ZMIZ2: variants seen among roughly 807,000 people sequenced by gnomAD.
The protein encoded by ZMIZ2 is zinc finger MIZ domain-containing protein 2.
ZMIZ2 carries 26 observed loss-of-function variants against 93.9 expected under a neutral mutation model. The ratio of observed to expected loss-of-function variants is 0.28; its 90% CI spans 0.20 to 0.38. The LOEUF is 0.38. Among genes scored for constraint, ZMIZ2 ranks in the 10% least tolerant of loss-of-function variants. The pLI, the probability that ZMIZ2 is intolerant of heterozygous loss-of-function variation, is 1.00. For synonymous variants in ZMIZ2, 485 were observed against 516.4 expected, an observed-to-expected ratio of 0.94 and a Z score of 0.82; for missense variants, 1,023 against 1,235.0, an observed-to-expected ratio of 0.83 and a Z score of 2.57.
intron 8 of ZMIZ2, 87 bp from the exon 9 acceptor site, chr7:44,760,335 TATC>T (rs1373592195): frequency 9.5e-6 from 15 of 1,575,986 alleles, no homozygotes; most frequent in Middle Eastern, 3.5e-4. Context: ...CCACCTCTGT[TATC>T]ATGGTTCCCA....
rs1788274289 is a variant in ZMIZ2, at chr7:44,764,281, A to G, written c.1861-138A>G. On this transcript the variant is annotated intron_variant, in intron 13 of 18. Coordinates refer to ENST00000309315, the MANE Select transcript of ZMIZ2 (RefSeq NM_031449.4). ...CCTTGATCCATTAGAATGATGTTGC[A>G]GTGAAAACCTGGTACATGCAGTATC... 6 of 740,060 alleles carry G rather than the reference A, an allele frequency of 8.1e-6. No homozygotes were observed. In the South Asian group the frequency reaches 9.0e-5, roughly 11 times the overall value. 45.8% of individuals were successfully genotyped at this position (740,060 alleles called of 1,614,324 possible).
Position 44,766,010 on chromosome 7 carries a change from G to C in ZMIZ2, c.2243-154G>C. On this transcript the variant is annotated intron_variant, in intron 16 of 18. Transcript: ENST00000309315. This position sits in a 1 kb window ranked among gnomAD's most constrained non-coding sequence, Gnocchi z 4.4. ...TCCCTTGGCAGCAATGAGAAGAAAT[G>C]CCCTTTTCCAAATAGCGACTTCTGC... 2.8e-6 allele frequency: 4 copies of C among 1,418,344 alleles called. No individual in the cohort carries two copies. Among genetic ancestry groups the C allele is most frequent in the Non-Finnish European group, 3.7e-6 (4 of 1,092,682 alleles). The allele number at this position is 1,418,344 out of a possible 1,614,324, so 87.9% of individuals were successfully genotyped here. A position where few individuals can be genotyped will look rare whatever the true frequency, so the allele number is the denominator to read the frequency against.
rs1791392833 is a variant in ZMIZ2, at chr7:44,763,356, C to A, written c.1803C>A (p.Pro601=). The A allele has an allele frequency of 1.2e-6, 2 of 1,613,994 alleles. No homozygotes were observed. Among genetic ancestry groups the A allele is most frequent in the South Asian group, 1.1e-5 (1 of 91,076 alleles). Residue 601 remains proline (P), a synonymous_variant, in exon 13 of 19, where the codon CCC becomes CCA. Transcript: ENST00000309315. This position sits in a 1 kb window ranked among gnomAD's most constrained non-coding sequence, Gnocchi z 5.6. ...QTAIKVSLKC[P]ITFRRIQLPA... is the part of the protein sequence containing the mutation. ...CTATCAAGGTGTCCCTGAAGTGCCC[C>A]ATCACCTTCCGCAGGATCCAGCTCC... is the stretch of plus-strand genomic sequence containing the variant.
Position 44,761,228 on chromosome 7 carries a change from A to G in ZMIZ2, c.1241-221A>G, listed in dbSNP as rs1791140552. 6.6e-6 allele frequency among the ~76,000 whole-genome samples: 1 copy of G among 152,210 alleles called. No individual in the cohort carries two copies. Among genetic ancestry groups the G allele is most frequent in the South Asian group, 2.1e-4 (1 of 4,836 alleles). On this transcript the variant is annotated intron_variant, in intron 9 of 18. Transcript: ENST00000309315. This position sits in a 1 kb window ranked among gnomAD's most constrained non-coding sequence, Gnocchi z 5.8. Reference sequence around the variant, plus strand: ...CTGGACTGCTGAGGCAGGAGGCAAGACAGAACATCACGACCGAATGCCCAG... The same window carrying G: ...CTGGACTGCTGAGGCAGGAGGCAAGGCAGAACATCACGACCGAATGCCCAG...
Position 44,759,837 on chromosome 7 carries a change from G to A in ZMIZ2, c.994-314G>A, listed in dbSNP as rs567088725. The A allele has an allele frequency of 1.8e-4, 86 of 473,796 alleles. No individual in the cohort carries two copies. The East Asian group carries it at 3.1e-3, about 17-fold the overall frequency. The allele number at this position is 473,796 out of a possible 1,614,324, so 29.3% of individuals were successfully genotyped here. ...AAATCCATTGAGAGGACAGGCCCTC[G>A]CTGCTGGCCATGTACCCTTTCTGGG... On this transcript the variant is annotated intron_variant, in intron 7 of 18. Transcript: ENST00000309315.
chr7:44,766,180 G>A lies in ZMIZ2; in HGVS notation c.2259G>A (p.Gly753=). The A allele has an allele frequency of 1.2e-6, 2 of 1,612,046 alleles. No homozygotes were observed. Among genetic ancestry groups the A allele is most frequent in the Non-Finnish European group, 1.7e-6 (2 of 1,179,182 alleles). Residue 753 remains glycine (G), a synonymous_variant, in exon 17 of 19, where the codon GGG becomes GGA. Transcript: ENST00000309315. The surrounding 1 kb of genome is among the most constrained non-coding windows in gnomAD (Gnocchi z 4.4). The part of the protein sequence containing the change: ...DYPGQGSSFL[G]PGTFPESFPP... ...CTCTCACAGGTTCCAGCTTCCTGGG[G>A]CCTGGAACTTTCCCTGAGTCCTTCC...
rs563008711 is a variant in ZMIZ2, at chr7:44,766,554, G to A, written c.2546G>A (p.Gly849Asp). 5.0e-6 allele frequency: 8 copies of A among 1,613,948 alleles called. No homozygotes were observed. Among genetic ancestry groups the A allele is most frequent in the Middle Eastern group, 1.6e-4 (1 of 6,062 alleles). Reference protein sequence around the residue: ...NPPPASRQSLGQASLGPTGEL... With the variant: ...NPPPASRQSLDQASLGPTGEL... ...CCCCCAGCGTCCCGGCAGTCCTTGG[G>A]CCAAGCGAGCTTAGGACCTACGGGT... Residue 849 changes from glycine (G) to aspartate (D), a missense_variant, in exon 18 of 19, where the codon GGC becomes GAC. Coordinates refer to ENST00000309315, the MANE Select transcript of ZMIZ2 (RefSeq NM_031449.4). The surrounding 1 kb of genome is among the most constrained non-coding windows in gnomAD (Gnocchi z 4.4).
In ZMIZ2 at chr7:44,761,997, TG is replaced by T. The variant is rs1357045966; in HGVS notation, c.1596+95del. ...CGGTGCCGTGGGGTGGGGCGGGGTG[TG>T]GGCGGGGCCTGGCCCAGCGGCGCAG... On this transcript the variant is annotated intron_variant, in intron 11 of 18. Transcript: ENST00000309315. This position sits in a 1 kb window ranked among gnomAD's most constrained non-coding sequence, Gnocchi z 5.8. The T allele has an allele frequency of 2.7e-5, 2 of 73,150 alleles. No individual in the cohort carries two copies. Among genetic ancestry groups the T allele is most frequent in the South Asian group, 2.4e-4 (2 of 8,430 alleles). The allele number at this position is 73,150 out of a possible 1,614,324, so 4.5% of individuals were successfully genotyped here. A position where few individuals can be genotyped will look rare whatever the true frequency, so the allele number is the denominator to read the frequency against.
At position 44,761,952 on chromosome 7, in the gene ZMIZ2, T is replaced by G. The variant is rs1290650333; in HGVS notation, c.1596+47T>G. ...GGCGGTGCTGTGGCGTGGGGCGGGG[T>G]GTGGTGGGGCCTGGCCCAGCGGTGC... is the stretch of plus-strand genomic sequence containing the variant. On this transcript the variant is annotated intron_variant, in intron 11 of 18. Transcript: ENST00000309315. This position sits in a 1 kb window ranked among gnomAD's most constrained non-coding sequence, Gnocchi z 5.8. The G allele has an allele frequency of 1.6e-6, 2 of 1,259,914 alleles. No homozygotes were observed. The highest frequency in any genetic ancestry group is 2.1e-6 in the Non-Finnish European group (2 of 965,576). The allele number at this position is 1,259,914 out of a possible 1,614,324, so 78.0% of individuals were successfully genotyped here. A position where few individuals can be genotyped will look rare whatever the true frequency, so the allele number is the denominator to read the frequency against.
chr7:44,756,834 C>G (rs186993831), intron 3 of ZMIZ2, 113 bp from the exon 4 acceptor site: 24 of 1,337,432 alleles, frequency 1.8e-5, no homozygotes, highest in Middle Eastern at 4.1e-4. Flanking sequence ...CCCTGTCCCC[C>G]CCACCTCTCC....
chr7:44,763,581 G>T lies in ZMIZ2; in HGVS notation c.1860+168G>T, dbSNP rs1298317331. ...AGGCAGGTGGGCCTGGCTCCCCCAA[G>T]ACTAGGCTATTTTTTCTTCCAAATA... On this transcript the variant is annotated intron_variant, in intron 13 of 18. Coordinates refer to ENST00000309315, the MANE Select transcript of ZMIZ2 (RefSeq NM_031449.4). The surrounding 1 kb of genome is among the most constrained non-coding windows in gnomAD (Gnocchi z 5.6). 1.2e-6 allele frequency: 1 copy of T among 826,076 alleles called. No individual in the cohort carries two copies. Among genetic ancestry groups the T allele is most frequent in the East Asian group, 2.7e-5 (1 of 36,524 alleles). 51.2% of individuals were successfully genotyped at this position (826,076 alleles called of 1,614,324 possible).
Position 44,761,655 on chromosome 7 carries a change from A to G in ZMIZ2, c.1386-40A>G. Reference sequence around the variant, plus strand: ...GCTCTGTTCCTCCTCCCACACTCTCAGGGCCCGTTTTCTGGGTGTCCACCC... The same window carrying G: ...GCTCTGTTCCTCCTCCCACACTCTCGGGGCCCGTTTTCTGGGTGTCCACCC... On this transcript the variant is annotated intron_variant, in intron 10 of 18. Coordinates refer to ENST00000309315, the MANE Select transcript of ZMIZ2 (RefSeq NM_031449.4). The surrounding 1 kb of genome is among the most constrained non-coding windows in gnomAD (Gnocchi z 5.8). 6.2e-7 allele frequency: 1 copy of G among 1,613,204 alleles called. No homozygotes were observed. Among genetic ancestry groups the G allele is most frequent in the South Asian group, 1.1e-5 (1 of 91,016 alleles).
At chr7:44,756,687 C>T in intron 3 of ZMIZ2, 148 bp downstream of exon 3, 1 of 853,102 alleles carries the variant, frequency 1.2e-6, no homozygotes, top group African/African-American at 1.7e-5. Context: ...ATGGGGCCTC[C>T]TGAGTCCCCT....
In ZMIZ2 at chr7:44,765,786, C is replaced by T; in HGVS notation, c.2242+207C>T. On this transcript the variant is annotated intron_variant, in intron 16 of 18. Coordinates refer to ENST00000309315, the MANE Select transcript of ZMIZ2 (RefSeq NM_031449.4). This position sits in a 1 kb window ranked among gnomAD's most constrained non-coding sequence, Gnocchi z 4.1. The stretch of plus-strand genomic sequence containing the variant: ...TGAAGGCACAGTCTCAGCTATGGTC[C>T]CAGGAAACAGACAGTGGGGCCTCCA... 2.0e-6 allele frequency: 2 copies of T among 1,022,308 alleles called. No homozygotes were observed. Among genetic ancestry groups the T allele is most frequent in the Non-Finnish European group, 2.8e-6 (2 of 725,048 alleles). The allele number at this position is 1,022,308 out of a possible 1,614,324, so 63.3% of individuals were successfully genotyped here. A position where few individuals can be genotyped will look rare whatever the true frequency, so the allele number is the denominator to read the frequency against.
At chr7:44,757,627 C>T (rs1790724515) in intron 5 of ZMIZ2, 66 bp downstream of exon 5, 27 of 1,512,640 alleles carry the variant, frequency 1.8e-5, no homozygotes, top group Non-Finnish European at 2.4e-5. Flanking sequence ...AGGTACTCAG[C>T]CAGACAGTGG....
In ZMIZ2 at chr7:44,763,081, C is replaced by T. The variant is rs1791371388; in HGVS notation, c.1702+95C>T. ...TCCTTGTGGGCACCTCCTCGTGTCA[C>T]ACCAGGCCTTCTCCTTGGACAGGTG... On this transcript the variant is annotated intron_variant, in intron 12 of 18. Coordinates refer to ENST00000309315, the MANE Select transcript of ZMIZ2 (RefSeq NM_031449.4). This position sits in a 1 kb window ranked among gnomAD's most constrained non-coding sequence, Gnocchi z 5.6. 2.7e-6 allele frequency: 4 copies of T among 1,456,110 alleles called. No individual in the cohort carries two copies. Among genetic ancestry groups the T allele is most frequent in the East Asian group, 2.3e-5 (1 of 43,632 alleles). 90.2% of individuals were successfully genotyped at this position (1,456,110 alleles called of 1,614,324 possible). A position where few individuals can be genotyped will look rare whatever the true frequency, so the allele number is the denominator to read the frequency against.
intron 11 of ZMIZ2, 65 bp from the exon 12 acceptor site, chr7:44,762,816 C>T: frequency 6.9e-7 from 1 of 1,445,672 alleles, no homozygotes; most frequent in South Asian, 1.3e-5. Context: ...CCAGCACACC[C>T]TTTACCTGGC....
At chr7:44,758,913 C>CAAA (rs898517700) in intron 6 of ZMIZ2, among the ~76,000 whole-genome samples, 1 of 77,406 alleles carries the variant, frequency 1.3e-5, no homozygotes, top group African/African-American at 5.0e-5. Context: ...GACTCCATCT[C>CAAA]AAAAAAAAAA....
intron 6 of ZMIZ2, among the ~76,000 whole-genome samples, chr7:44,758,504 G>A (rs1790820383): frequency 6.6e-6 from 1 of 151,580 alleles, no homozygotes; most frequent in Non-Finnish European, 1.5e-5. Flanking sequence ...AGCCGGGCAT[G>A]CTGTCTCATG....
Sources: gnomAD v4.1 joint callset for allele counts (sites outside exome capture counted in the v4.1 genomes callset) on GRCh38, gnomAD v4.1.1 for gene constraint, Gnocchi (gnomAD v3.1) non-coding constraint, MANE v1.5 for transcripts, NCBI Gene and HGNC (gene_info 2026-07-23, HGNC 2026-07-21) for gene names.